The following FOXP1 variants were observed in gnomAD, a reference collection of about 807,000 sequenced individuals.
The protein encoded by FOXP1 is forkhead box P1.
Under a neutral mutation model 98.2 loss-of-function variants are expected in FOXP1, and 15 were observed. The observed-to-expected ratio is 0.15, with a 90% CI of 0.10 to 0.24. The LOEUF (loss-of-function observed/expected upper bound fraction) is 0.24. FOXP1 is among the 10% of genes least tolerant of loss of function. The pLI is 1.00. For missense variants in FOXP1, 633 were observed against 848.5 expected (o/e 0.75, Z 3.15); for synonymous variants, 371 against 314.5 (o/e 1.18, Z -1.90).
At chr3:71,448,385 TAAG>T (rs2086645924) in intron 3 of FOXP1, among the ~76,000 whole-genome samples, 1 of 152,154 alleles carries the variant, frequency 6.6e-6, no homozygotes, top group Non-Finnish European at 1.5e-5. Flanking sequence ...AAGCAATACT[TAAG>T]AAAGAAATTC....
chr3:71,349,844 T>C (rs2077663726), intron 4 of FOXP1, among the ~76,000 whole-genome samples: 1 of 152,232 alleles, frequency 6.6e-6, no homozygotes, highest in Admixed American at 6.5e-5. Flanking sequence ...TTATTCTCTA[T>C]ATCCCTAACC....
chr3:71,547,245 G>T (rs1033974701), intron 2 of FOXP1, among the ~76,000 whole-genome samples: 8 of 152,010 alleles, frequency 5.3e-5, no homozygotes, highest in Non-Finnish European at 8.8e-5. Context: ...TTTTAACACT[G>T]TGAGGGGTCT....
intron 5 of FOXP1, among the ~76,000 whole-genome samples, chr3:71,231,226 T>G (rs2066261470): frequency 6.6e-6 from 1 of 152,204 alleles, no homozygotes; most frequent in Non-Finnish European, 1.5e-5. Flanking sequence ...AAGATGAAGA[T>G]GTAGGCTTTA....
intron 7 of FOXP1, among the ~76,000 whole-genome samples, chr3:71,097,743 G>A (rs1376833935): frequency 6.6e-6 from 1 of 152,150 alleles, no homozygotes; most frequent in African/African-American, 2.4e-5. Context: ...CTCTGGTGAC[G>A]TAACATGATA....
intron 5 of FOXP1, among the ~76,000 whole-genome samples, chr3:71,282,348 A>AAT (rs997072168): frequency 2.0e-5 from 3 of 151,568 alleles, no homozygotes; most frequent in Admixed American, 6.6e-5. Flanking sequence ...GGCTCTCCTT[A>AAT]ATATATATAT....
intron 1 of FOXP1, among the ~76,000 whole-genome samples, chr3:71,583,099 C>A (rs1159292787): frequency 1.3e-5 from 2 of 151,762 alleles, no homozygotes; most frequent in Non-Finnish European, 2.9e-5. Context: ...GGGCGGCCAC[C>A]GGACGCCAAC....
intron 6 of FOXP1, among the ~76,000 whole-genome samples, chr3:71,190,655 A>G (rs569067008): frequency 4.6e-5 from 7 of 151,362 alleles, no homozygotes; most frequent in African/African-American, 7.3e-5. Context: ...AAAAAAAAAA[A>G]AAAAAAGAAA....
intron 4 of FOXP1, among the ~76,000 whole-genome samples, chr3:71,335,556 A>C (rs1418451640): frequency 2.0e-5 from 3 of 152,184 alleles, no homozygotes; most frequent in Non-Finnish European, 1.5e-5. Flanking sequence ...TGTAATCCTG[A>C]TTATGAAATG....
intron 6 of FOXP1, among the ~76,000 whole-genome samples, chr3:71,172,927 C>G (rs915405257): frequency 1.3e-5 from 2 of 152,178 alleles, no homozygotes; most frequent in African/African-American, 4.8e-5. Flanking sequence ...GGAGAAGCAA[C>G]ATACAGTTTC....
At chr3:71,387,331 G>A (rs1419501411) in intron 3 of FOXP1, among the ~76,000 whole-genome samples, 3 of 152,178 alleles carry the variant, frequency 2.0e-5, no homozygotes, top group Admixed American at 2.0e-4. Context: ...CTAAAACTGG[G>A]TTAATAACTT....
intron 5 of FOXP1, among the ~76,000 whole-genome samples, chr3:71,232,963 GACTACT>G (rs1024408015): frequency 1.2e-4 from 17 of 142,280 alleles, no homozygotes; most frequent in Admixed American, 6.5e-4. Flanking sequence ...CCACCACCAC[GACTACT>G]ACTACTACTA....
intron 6 of FOXP1, among the ~76,000 whole-genome samples, chr3:71,182,889 A>C (rs964665344): frequency 4.7e-5 from 7 of 149,014 alleles, no homozygotes; most frequent in African/African-American, 1.0e-4. Flanking sequence ...AGACCCCCCC[A>C]AAAAAAACCA....
chr3:71,573,563 A>G (rs992944207), intron 2 of FOXP1: 4 of 152,234 alleles, frequency 2.6e-5, no homozygotes. Context: ...TTTAGAAAAT[A>G]AGATGAACAC....
intron 14 of FOXP1, among the ~76,000 whole-genome samples, chr3:70,982,882 C>T (rs2039107660): frequency 6.6e-6 from 1 of 152,156 alleles, no homozygotes; most frequent in African/African-American, 2.4e-5. Flanking sequence ...CACATGAAAA[C>T]AGATTCTGAG....
At position 71,566,417 on chromosome 3, in the gene FOXP1, G is replaced by A. The variant is rs117428915; in HGVS notation, c.-298+15132C>T. On this transcript the variant is annotated intron_variant, in intron 2 of 20. Coordinates refer to ENST00000649528, the MANE Select transcript of FOXP1 (RefSeq NM_001349338.3). ...CACCTTGCCAGGGAAAAATAATACA[G>A]ACAGACTACGTAAACACATTCAAAT... is the stretch of plus-strand genomic sequence containing the variant. Among the ~76,000 whole-genome samples the A allele has an allele frequency of 4.9e-4, 75 of 152,284 alleles. 1 individual carries two copies. In the East Asian group the frequency reaches 0.014, roughly 29 times the overall value.
chr3:71,395,166 A>G (rs1334751462), intron 3 of FOXP1, among the ~76,000 whole-genome samples: 1 of 149,302 alleles, frequency 6.7e-6, no homozygotes, highest in Admixed American at 6.7e-5. Flanking sequence ...ACTTCCCCCT[A>G]GTTAATATCT....
chr3:71,464,381 C>T (rs2088480547), intron 3 of FOXP1, among the ~76,000 whole-genome samples: 1 of 152,234 alleles, frequency 6.6e-6, no homozygotes, highest in Admixed American at 6.5e-5. Context: ...GCTCTCGGCT[C>T]ACTGCCAAAG....
chr3:71,446,073 GTGA>G, intron 3 of FOXP1, among the ~76,000 whole-genome samples: 1 of 128,166 alleles, frequency 7.8e-6, no homozygotes, highest in Non-Finnish European at 1.8e-5. Flanking sequence ...GAGTGAGTGA[GTGA>G]GTGAGTGAAT....
intron 4 of FOXP1, among the ~76,000 whole-genome samples, chr3:71,308,506 G>A (rs1383282949): frequency 6.6e-6 from 1 of 152,116 alleles, no homozygotes; most frequent in African/African-American, 2.4e-5. Flanking sequence ...ATTATTGGAA[G>A]GAGTCGCCTC....
Sources: allele counts gnomAD v4.1 joint callset (sites outside exome capture counted in the v4.1 genomes callset), GRCh38; gene constraint gnomAD v4.1.1; transcripts MANE v1.5; gene names NCBI Gene and HGNC (gene_info 2026-07-23, HGNC 2026-07-21).